The following CFLAR variants were observed in gnomAD, a reference collection of about 807,000 sequenced individuals.
CFLAR encodes CASP8 and FADD like apoptosis regulator, also known as CASP8 and FADD-like apoptosis regulator.
A neutral mutation model predicts 51.1 loss-of-function variants in CFLAR; 14 were observed. The ratio of observed to expected loss-of-function variants is 0.27; its 90% CI spans 0.18 to 0.43. The LOEUF is 0.43. CFLAR is among the 20% of genes least tolerant of loss of function. The pLI is 1.00. For missense variants in CFLAR, 390 were observed against 566.5 expected (o/e 0.69, Z 3.16); for synonymous variants, 210 against 211.6 (o/e 0.99, Z 0.06).
chr2:201,162,838 C>T (rs777732786), intron 9 of CFLAR, among the ~76,000 whole-genome samples: 2 of 152,236 alleles, frequency 1.3e-5, no homozygotes, highest in African/African-American at 2.4e-5. Flanking sequence ...CACATTTCTA[C>T]AGCATCAGTT....
chr2:201,134,216 G>A lies in CFLAR; in HGVS notation c.387+1082G>A, dbSNP rs189605511. Among the ~76,000 whole-genome samples, 189 of 152,020 alleles carry A rather than the reference G, an allele frequency of 1.2e-3. 1 individual carries two copies. The highest frequency in any genetic ancestry group is 3.4e-3 in the Middle Eastern group (1 of 294). ...TCCCAGCTACAGGAGGTGAAGGCAG[G>A]AGAATCACTTGAACCCAGGAGGCGG... is the stretch of plus-strand genomic sequence containing the variant. On this transcript the variant is annotated intron_variant, in intron 3 of 9. Transcript: ENST00000309955.
At chr2:201,140,248 TTA>T in intron 4 of CFLAR, 107 bp from the exon 5 acceptor site, 5 of 1,386,854 alleles carry the variant, frequency 3.6e-6, no homozygotes, top group Non-Finnish European at 4.9e-6. Flanking sequence ...GCTAGAAAGT[TTA>T]GGGTATTTTG....
chr2:201,131,187 G>A (rs918551703), intron 2 of CFLAR, among the ~76,000 whole-genome samples: 2 of 152,158 alleles, frequency 1.3e-5, no homozygotes, highest in African/African-American at 2.4e-5. Context: ...GGAAGCTACT[G>A]AGAGACTGAC....
intron 4 of CFLAR, chr2:201,139,073 T>C (rs1937677482): frequency 7.6e-6 from 3 of 394,826 alleles, no homozygotes; most frequent in Admixed American, 3.2e-5. Context: ...GGAGACTCCA[T>C]TTTGTTCTGT....
intron 2 of CFLAR, among the ~76,000 whole-genome samples, chr2:201,130,566 A>G (rs575069307): frequency 1.3e-5 from 2 of 151,570 alleles, no homozygotes; most frequent in African/African-American, 4.8e-5. Flanking sequence ...GGGTTTCACC[A>G]TGTTGGCCAG....
intron 5 of CFLAR, among the ~76,000 whole-genome samples, chr2:201,144,488 G>T (rs916306025): frequency 2.0e-5 from 3 of 152,224 alleles, no homozygotes; most frequent in Non-Finnish European, 4.4e-5. Context: ...GCTTGGCACT[G>T]TGCTGAGTGC....
At position 201,130,084 on chromosome 2, in the gene CFLAR, G is replaced by T; in HGVS notation, c.219G>T (p.Lys73Asn). The change falls in exon 2 of 10, where the codon AAG (lysine) becomes AAT (asparagine). Residue 73 changes from lysine to asparagine, a missense_variant. By Grantham distance (94) the Lys-to-Asn change is moderately conservative. Coordinates refer to ENST00000309955, the MANE Select transcript of CFLAR (RefSeq NM_003879.7). Reference sequence around the variant, plus strand: ...TTGACCTGCTCAAACGTATCTTGAAGATGGACAGAAAAGCTGTGGAGACCC... The same window carrying T: ...TTGACCTGCTCAAACGTATCTTGAATATGGACAGAAAAGCTGTGGAGACCC... ...RRFDLLKRIL[K>N]MDRKAVETHL... 6.4e-7 allele frequency: 1 copy of T among 1,566,830 alleles called. No homozygotes were observed. The highest frequency in any genetic ancestry group is 8.7e-7 in the Non-Finnish European group (1 of 1,149,812).
rs185600096 is a variant in CFLAR, at chr2:201,137,567, C to T, written c.523+1460C>T. ...GCAGGCCATGGATGCCACCGTCGAT[C>T]TGGGCTGACATGGTCTGCTTCTCAA... On this transcript the variant is annotated intron_variant, in intron 4 of 9. Transcript: ENST00000309955. The T allele has an allele frequency of 5.9e-3, 4,296 of 724,066 alleles. 63 individuals carry two copies. Among genetic ancestry groups the T allele is most frequent in the South Asian group, 0.028 (2,051 of 72,080 alleles). The allele number at this position is 724,066 out of a possible 1,614,324, so 44.9% of individuals were successfully genotyped here.
chr2:201,150,924 G>A (rs1257672147), intron 8 of CFLAR, among the ~76,000 whole-genome samples: 2 of 152,168 alleles, frequency 1.3e-5, no homozygotes, highest in African/African-American at 4.8e-5. Flanking sequence ...CCTTAGTCTT[G>A]CCTTTTCTTT....
rs1030529979 is a variant in CFLAR, at chr2:201,171,379, C to A, written c.*7406C>A. Reference sequence around the variant, plus strand: ...CATGGATGAAGCTGGAAGCCATTATCCTCAGCAAACTAACAGAGGAGCAGG... The same window carrying A: ...CATGGATGAAGCTGGAAGCCATTATACTCAGCAAACTAACAGAGGAGCAGG... On this transcript the variant is annotated 3_prime_UTR_variant, in exon 10 of 10. Coordinates refer to ENST00000309955, the MANE Select transcript of CFLAR (RefSeq NM_003879.7). The A allele has an allele frequency of 1.3e-5, 2 of 152,026 alleles. No individual in the cohort carries two copies. The highest frequency in any genetic ancestry group is 4.8e-5 in the African/African-American group (2 of 41,396). The allele number at this position is 152,026 out of a possible 1,614,324, so 9.4% of individuals were successfully genotyped here.
Position 201,148,085 on chromosome 2 carries a change from G to A in CFLAR, c.662-918G>A, listed in dbSNP as rs4673061. ...TTGTTTGTTCTGTTAATATATAATTGCTAAAATACAAAAAATATAAAATGA... is the reference window on the plus strand; with the variant it reads ...TTGTTTGTTCTGTTAATATATAATTACTAAAATACAAAAAATATAAAATGA... On this transcript the variant is annotated intron_variant, in intron 6 of 9. Transcript: ENST00000309955. Among the ~76,000 whole-genome samples, 3,112 of 151,920 alleles carry A rather than the reference G, an allele frequency of 0.02. 257 individuals are homozygous for A. In the East Asian group the frequency reaches 0.25, roughly 12 times the overall value.
chr2:201,120,493 C>T (rs974496959), intron 1 of CFLAR, among the ~76,000 whole-genome samples: 3 of 152,174 alleles, frequency 2.0e-5, no homozygotes, highest in Admixed American at 1.3e-4. Flanking sequence ...AAGAGAGAAG[C>T]TACACCACTT....
intron 6 of CFLAR, among the ~76,000 whole-genome samples, chr2:201,147,538 A>C (rs1940453595): frequency 6.7e-6 from 1 of 150,152 alleles, no homozygotes; most frequent in African/African-American, 2.5e-5. Context: ...CCCACCCCAG[A>C]AAAGCTTTCT....
Position 201,175,919 on chromosome 2 carries a change from C to T in CFLAR, c.*11946C>T, listed in dbSNP as rs1477504744. On this transcript the variant is annotated 3_prime_UTR_variant, in exon 10 of 10. Transcript: ENST00000309955. Reference sequence around the variant, plus strand: ...AGTAGTTCGAGACCAGCCTGGCCATCATGATGATGAAACCTCGTCTCTACT... The same window carrying T: ...AGTAGTTCGAGACCAGCCTGGCCATTATGATGATGAAACCTCGTCTCTACT... The T allele has an allele frequency of 6.6e-6, 1 of 151,930 alleles. No individual in the cohort carries two copies. The highest frequency in any genetic ancestry group is 1.5e-5 in the Non-Finnish European group (1 of 68,068). The allele number at this position is 151,930 out of a possible 1,614,324, so 9.4% of individuals were successfully genotyped here.
At position 201,171,063 on chromosome 2, in the gene CFLAR, C is replaced by T. The variant is rs1361512642; in HGVS notation, c.*7090C>T. 1 of 152,112 alleles carries T rather than the reference C, an allele frequency of 6.6e-6. No individual in the cohort carries two copies. The allele number at this position is 152,112 out of a possible 1,614,324, so 9.4% of individuals were successfully genotyped here. On this transcript the variant is annotated 3_prime_UTR_variant, in exon 10 of 10. Coordinates refer to ENST00000309955, the MANE Select transcript of CFLAR (RefSeq NM_003879.7). ...AGTAACTGAGGAATGGAAAACCAAACATTGTATGTTCTCACTCATAAGTGG... is the reference window on the plus strand; with the variant it reads ...AGTAACTGAGGAATGGAAAACCAAATATTGTATGTTCTCACTCATAAGTGG...
Position 201,166,014 on chromosome 2 carries a change from T to A in CFLAR, c.*2041T>A, listed in dbSNP as rs1015530420. 6 of 197,666 alleles carry A rather than the reference T, an allele frequency of 3.0e-5. No homozygotes were observed. The highest frequency in any genetic ancestry group is 5.0e-5 in the Non-Finnish European group (5 of 99,674). The allele number at this position is 197,666 out of a possible 1,614,324, so 12.2% of individuals were successfully genotyped here. ...AGACACAGCAACAATCTGATTTCTC[T>A]ATCTTTTCCCCACCTTTCCCCCTTT... On this transcript the variant is annotated 3_prime_UTR_variant, in exon 10 of 10. Coordinates refer to ENST00000309955, the MANE Select transcript of CFLAR (RefSeq NM_003879.7).
rs891809838 is a variant in CFLAR at position 201,170,987 on chromosome 2, G to A, written c.*7014G>A. 2.6e-5 allele frequency: 4 copies of A among 152,134 alleles called. No homozygotes were observed. The highest frequency in any genetic ancestry group is 2.0e-4 in the Admixed American group (3 of 15,258). 9.4% of individuals were successfully genotyped at this position (152,134 alleles called of 1,614,324 possible). On this transcript the variant is annotated 3_prime_UTR_variant, in exon 10 of 10. Coordinates refer to ENST00000309955, the MANE Select transcript of CFLAR (RefSeq NM_003879.7). Reference sequence around the variant, plus strand: ...CCTAAACACTACTCAGCCATAAAAAGGAATGAATTAATGACATTCACAGCA... The same window carrying A: ...CCTAAACACTACTCAGCCATAAAAAAGAATGAATTAATGACATTCACAGCA...
chr2:201,138,786 A>T lies in CFLAR; in HGVS notation c.524-1571A>T. The T allele has an allele frequency of 2.6e-6, 2 of 765,252 alleles. No homozygotes were observed. The highest frequency in any genetic ancestry group is 4.9e-5 in the East Asian group (2 of 40,464). 47.4% of individuals were successfully genotyped at this position (765,252 alleles called of 1,614,324 possible). A position where few individuals can be genotyped will look rare whatever the true frequency, so the allele number is the denominator to read the frequency against. On this transcript the variant is annotated intron_variant, in intron 4 of 9. Transcript: ENST00000309955. The surrounding 1 kb of genome is among the most constrained non-coding windows in gnomAD (Gnocchi z 4.0). ...GAACTCTGGGGTGCAGTTGTGGTGA[A>T]TGAAACCAGTACCTCCCATCAGAGC...
rs1239784946 is a variant in CFLAR at position 201,176,228 on chromosome 2, C to A, written c.*12255C>A. On this transcript the variant is annotated 3_prime_UTR_variant, in exon 10 of 10. Transcript: ENST00000309955. ...GGATCTTGTGTTACTTTTCCCCACT[C>A]CTGAGATCTTTTTGAGAAGCTGATG... The A allele has an allele frequency of 7.6e-6, 1 of 130,770 alleles. No individual in the cohort carries two copies. Among genetic ancestry groups the A allele is most frequent in the Non-Finnish European group, 1.5e-5 (1 of 65,808 alleles). The allele number at this position is 130,770 out of a possible 1,614,324, so 8.1% of individuals were successfully genotyped here. A position where few individuals can be genotyped will look rare whatever the true frequency, so the allele number is the denominator to read the frequency against.
Sources: allele counts gnomAD v4.1 joint callset (sites outside exome capture counted in the v4.1 genomes callset), GRCh38; gene constraint gnomAD v4.1.1; non-coding constraint Gnocchi (gnomAD v3.1); transcripts MANE v1.5; gene names NCBI Gene and HGNC (gene_info 2026-07-23, HGNC 2026-07-21).